PAPPA2: variants seen among roughly 807,000 people sequenced by gnomAD.
PAPPA2 encodes pappalysin 2.
PAPPA2 carries 86 observed loss-of-function variants against 176.4 expected under a neutral mutation model. The observed-to-expected ratio is 0.49, with a 90% confidence interval of 0.41 to 0.58. The LOEUF is 0.58. PAPPA2 is among the 20% of genes least tolerant of loss of function. PAPPA2 has a pLI of 0.00. For missense variants in PAPPA2, 2,073 were observed against 2,256.9 expected (o/e 0.92, Z 1.65); for synonymous variants, 809 against 852.2 (o/e 0.95, Z 0.88).
intron 1 of PAPPA2, among the ~76,000 whole-genome samples, chr1:176,471,992 C>T (rs188361539): frequency 1.5e-3 from 232 of 152,286 alleles, no homozygotes; most frequent in Middle Eastern, 6.8e-3. Flanking sequence ...AAGTATGTAA[C>T]GTCTGGTTGT....
chr1:176,779,983 T>C (rs1368367939), intron 17 of PAPPA2, among the ~76,000 whole-genome samples: 2 of 152,226 alleles, frequency 1.3e-5, no homozygotes, highest in East Asian at 1.9e-4. Flanking sequence ...GTCAGGAGTA[T>C]GGCCAATGCA....
intron 3 of PAPPA2, among the ~76,000 whole-genome samples, chr1:176,620,652 AAT>A (rs1243156148): frequency 1.3e-5 from 2 of 152,182 alleles, no homozygotes; most frequent in South Asian, 2.1e-4. Flanking sequence ...CATTTACAAA[AAT>A]AGTTTCTTGC....
intron 1 of PAPPA2, among the ~76,000 whole-genome samples, chr1:176,481,331 C>T (rs966540496): frequency 4.0e-5 from 6 of 151,566 alleles, no homozygotes; most frequent in African/African-American, 9.7e-5. Context: ...ACAGGGCCAT[C>T]GTGCTGTCCT....
intron 17 of PAPPA2, among the ~76,000 whole-genome samples, chr1:176,786,654 C>G (rs545394831): frequency 1.3e-5 from 2 of 152,264 alleles, no homozygotes; most frequent in Admixed American, 6.5e-5. Flanking sequence ...TGGAGCACGC[C>G]AGGAACAGTC....
chr1:176,816,925 G>A (rs555262458), intron 21 of PAPPA2, among the ~76,000 whole-genome samples: 17 of 152,234 alleles, frequency 1.1e-4, no homozygotes, highest in African/African-American at 4.1e-4. Context: ...GTTAACTCCT[G>A]AAAGTATAAA....
intron 10 of PAPPA2, 90 bp from the exon 11 acceptor site, chr1:176,709,893 G>A: frequency 1.7e-6 from 2 of 1,205,398 alleles, no homozygotes; most frequent in Admixed American, 4.4e-5. Flanking sequence ...CAGTGGGCTG[G>A]AGAAGAAGTG....
chr1:176,808,681 GT>G (rs1409255804), intron 21 of PAPPA2, among the ~76,000 whole-genome samples: 10 of 152,254 alleles, frequency 6.6e-5, no homozygotes, highest in African/African-American at 1.9e-4. Flanking sequence ...GTATTTCATT[GT>G]TTTGTCATTA....
intron 3 of PAPPA2, among the ~76,000 whole-genome samples, chr1:176,618,688 G>T (rs1207808272): frequency 6.6e-6 from 1 of 152,196 alleles, no homozygotes; most frequent in Non-Finnish European, 1.5e-5. Flanking sequence ...AACTGTAAAA[G>T]AATTTACAGT....
intron 1 of PAPPA2, among the ~76,000 whole-genome samples, chr1:176,488,755 C>T (rs556567390): frequency 2.0e-5 from 3 of 152,182 alleles, no homozygotes; most frequent in South Asian, 2.1e-4. Context: ...TGAAAGAAGA[C>T]GCAAAGGTTT....
At chr1:176,785,765 A>G (rs1266173394) in intron 17 of PAPPA2, among the ~76,000 whole-genome samples, 3 of 151,572 alleles carry the variant, frequency 2.0e-5, no homozygotes, top group Admixed American at 6.6e-5. Flanking sequence ...TGATCTGTCT[A>G]CTCTCACCCC....
At chr1:176,578,982 T>C (rs551353933) in intron 2 of PAPPA2, among the ~76,000 whole-genome samples, 9 of 152,254 alleles carry the variant, frequency 5.9e-5, no homozygotes, top group African/African-American at 2.2e-4. Flanking sequence ...TTTAATTAAC[T>C]GTTATAATTC....
intron 3 of PAPPA2, among the ~76,000 whole-genome samples, chr1:176,605,220 A>G (rs935588600): frequency 2.0e-5 from 3 of 152,250 alleles, no homozygotes; most frequent in South Asian, 4.1e-4. Context: ...GAATGAGAAA[A>G]AGACCAGACT....
chr1:176,826,945 GATACCT>G (rs1666883566), intron 21 of PAPPA2, among the ~76,000 whole-genome samples: 1 of 152,112 alleles, frequency 6.6e-6, no homozygotes, highest in African/African-American at 2.4e-5. Context: ...TTGTGGTAAG[GATACCT>G]TCTAGATAGA....
intron 3 of PAPPA2, among the ~76,000 whole-genome samples, chr1:176,668,441 C>T (rs890154779): frequency 1.3e-5 from 2 of 152,170 alleles, no homozygotes; most frequent in African/African-American, 4.8e-5. Context: ...ATTTGAATGG[C>T]AAGTCTATCT....
chr1:176,615,195 C>T lies in PAPPA2; in HGVS notation c.1991+19600C>T, dbSNP rs1655134471. 1.3e-5 allele frequency among the ~76,000 whole-genome samples: 2 copies of T among 152,074 alleles called. 1 individual carries two copies. Among genetic ancestry groups the T allele is most frequent in the South Asian group, 4.1e-4 (2 of 4,828 alleles). ...AGCTCCCTCCCATTTTTTTCTCAGG[C>T]CCTCCCTGTTAAGCTGCACCTCAGA... On this transcript the variant is annotated intron_variant, in intron 3 of 22. Transcript: ENST00000367662.
chr1:176,510,260 A>G (rs183100330), intron 1 of PAPPA2, among the ~76,000 whole-genome samples: 179 of 152,326 alleles, frequency 1.2e-3, no homozygotes, highest in African/African-American at 4.0e-3. Context: ...GGAACATGTT[A>G]TGAACAGAGC....
Position 176,688,003 on chromosome 1 carries a change from T to G in PAPPA2, c.2138-2134T>G, listed in dbSNP as rs189339438. ...AGCATATTTAACCACAGATGCCACT[T>G]GTTTTTTAAAAGTATTACCCAGGTT... On this transcript the variant is annotated intron_variant, in intron 4 of 22. Transcript: ENST00000367662. Among the ~76,000 whole-genome samples the G allele has an allele frequency of 8.9e-3, 1,352 of 152,340 alleles. 24 individuals are homozygous for G. Among genetic ancestry groups the G allele is most frequent in the African/African-American group, 0.031 (1,278 of 41,568 alleles).
chr1:176,632,230 TGTG>T lies in PAPPA2; in HGVS notation c.1991+36636_1991+36638del, dbSNP rs569224111. Among the ~76,000 whole-genome samples the T allele has an allele frequency of 2.6e-3, 180 of 68,830 alleles. 2 individuals carry two copies. The highest frequency in any genetic ancestry group is 0.026 in the East Asian group (104 of 3,988). 45.2% of individuals were successfully genotyped at this position (68,830 alleles called of 152,430 possible). A position where few individuals can be genotyped will look rare whatever the true frequency, so the allele number is the denominator to read the frequency against. ...GTTGAAGACCAATAATTAGTAGTGA[TGTG>T]TGTGTGTGTGTGTGTGTGTGTGTGT... is the stretch of plus-strand genomic sequence containing the variant. On this transcript the variant is annotated intron_variant, in intron 3 of 22. Transcript: ENST00000367662.
At chr1:176,777,126 C>T (rs147771643) in intron 17 of PAPPA2, among the ~76,000 whole-genome samples, 87 of 152,154 alleles carry the variant, frequency 5.7e-4, no homozygotes, top group African/African-American at 2.0e-3. Flanking sequence ...TAGCTCCAAA[C>T]GTTTCTATTT....
Sources: gnomAD v4.1 joint callset for allele counts (sites outside exome capture counted in the v4.1 genomes callset) on GRCh38, gnomAD v4.1.1 for gene constraint, MANE v1.5 for transcripts, NCBI Gene and HGNC (gene_info 2026-07-23, HGNC 2026-07-21) for gene names.